Variants in PRKCE observed in about 807,000 individuals in gnomAD.
The protein encoded by PRKCE is protein kinase C epsilon type.
A neutral mutation model predicts 85.4 loss-of-function variants in PRKCE; 16 were observed. That is an observed-to-expected ratio of 0.19 (90% CI 0.13 to 0.28). PRKCE has a LOEUF of 0.28. Among genes scored for constraint, PRKCE ranks in the 10% least tolerant of loss-of-function variants. The pLI is 1.00. For missense variants in PRKCE, 573 were observed against 975.2 expected (o/e 0.59, Z 5.49); for synonymous variants, 388 against 371.5 (o/e 1.04, Z -0.51).
intron 2 of PRKCE, among the ~76,000 whole-genome samples, chr2:45,885,081 A>G (rs1695197409): frequency 6.7e-6 from 1 of 149,868 alleles, no homozygotes; most frequent in African/African-American, 2.5e-5. Context: ...ACTAGAAACA[A>G]TGCCACAGTG....
chr2:45,937,723 A>T (rs1699573496), intron 2 of PRKCE, among the ~76,000 whole-genome samples: 1 of 152,156 alleles, frequency 6.6e-6, no homozygotes, highest in African/African-American at 2.4e-5. Context: ...TCAAAGAAAA[A>T]AAAAAAGAAA....
At chr2:45,758,115 C>G (rs1684161801) in intron 1 of PRKCE, among the ~76,000 whole-genome samples, 1 of 152,212 alleles carries the variant, frequency 6.6e-6, no homozygotes, top group South Asian at 2.1e-4. Context: ...AGAATGAAAG[C>G]TAGATGGGCT....
At chr2:46,044,640 G>GT (rs1284287220) in intron 10 of PRKCE, among the ~76,000 whole-genome samples, 2 of 152,186 alleles carry the variant, frequency 1.3e-5, no homozygotes, top group Non-Finnish European at 2.9e-5. Context: ...GCAAAGTCCT[G>GT]TAGAAACCTG....
At chr2:46,135,345 T>G (rs533544615) in intron 11 of PRKCE, among the ~76,000 whole-genome samples, 1 of 152,150 alleles carries the variant, frequency 6.6e-6, no homozygotes, top group Non-Finnish European at 1.5e-5. Context: ...AACAACACAG[T>G]GAAGTGATTC....
At chr2:45,935,067 T>TCTCACACACACACA (rs34264556) in intron 2 of PRKCE, among the ~76,000 whole-genome samples, 31 of 146,354 alleles carry the variant, frequency 2.1e-4, no homozygotes, top group African/African-American at 7.9e-4. Flanking sequence ...ACTCTCTCTC[T>TCTCACACACACACA]CACACACACA....
At chr2:45,716,423 A>C (rs781168689) in intron 1 of PRKCE, among the ~76,000 whole-genome samples, 21 of 152,246 alleles carry the variant, frequency 1.4e-4, no homozygotes, top group Non-Finnish European at 2.8e-4. Context: ...AGGCTGAGGC[A>C]CGAGAATCAC....
At chr2:46,106,739 C>T (rs56092773) in intron 11 of PRKCE, among the ~76,000 whole-genome samples, 39,192 of 152,154 alleles carry the variant, frequency 0.26, 5,352 homozygotes, top group South Asian at 0.41. Flanking sequence ...GTAGGACCAT[C>T]CTGCTGGCCT....
chr2:45,971,624 T>G (rs551556076), intron 2 of PRKCE, among the ~76,000 whole-genome samples: 1 of 152,360 alleles, frequency 6.6e-6, no homozygotes, highest in South Asian at 2.1e-4. Context: ...CAATCTCTTT[T>G]GAATTATGGT....
chr2:45,848,310 A>ATTTTTTT (rs11378500), intron 2 of PRKCE, among the ~76,000 whole-genome samples: 1 of 150,344 alleles, frequency 6.7e-6, no homozygotes. Context: ...TTAGCAATTC[A>ATTTTTTT]TTTTTTTTTT....
chr2:45,989,036 C>G (rs1161205734), intron 6 of PRKCE, among the ~76,000 whole-genome samples: 1 of 152,208 alleles, frequency 6.6e-6, no homozygotes, highest in Non-Finnish European at 1.5e-5. Flanking sequence ...ACACTCATGT[C>G]TCAGCACAGC....
Position 46,159,691 on chromosome 2 carries a change from A to C in PRKCE, c.2006A>C (p.Lys669Thr). ...EDAIKQHPFF[K>T]EIDWVLLEQK... The stretch of plus-strand genomic sequence containing the variant: ...GCCATCAAGCAGCACCCATTCTTCA[A>C]AGAGATTGACTGGGTGCTCCTGGAG... Residue 669 changes from lysine to threonine, a missense_variant, in exon 14 of 15, where the codon AAA (lysine) becomes ACA (threonine). Physicochemically the swap from Lys to Thr is moderately conservative, Grantham distance 78. Transcript: ENST00000306156. The surrounding 1 kb of genome is among the most constrained non-coding windows in gnomAD (Gnocchi z 4.1). 1 of 1,599,474 alleles carries C rather than the reference A, an allele frequency of 6.3e-7. No homozygotes were observed. Among genetic ancestry groups the C allele is most frequent in the East Asian group, 2.2e-5 (1 of 44,870 alleles).
chr2:46,120,685 GGA>G (rs1673227546), intron 11 of PRKCE, among the ~76,000 whole-genome samples: 1 of 152,088 alleles, frequency 6.6e-6, no homozygotes, highest in South Asian at 2.1e-4. Context: ...AGGCATAAGG[GGA>G]GAGACTTCCA....
intron 10 of PRKCE, among the ~76,000 whole-genome samples, chr2:46,028,156 G>A (rs1450981628): frequency 2.6e-5 from 4 of 152,032 alleles, no homozygotes; most frequent in East Asian, 3.9e-4. Flanking sequence ...TGGCCAGGCC[G>A]GTCTCAAACT....
intron 2 of PRKCE, among the ~76,000 whole-genome samples, chr2:45,925,816 G>C (rs1199113499): frequency 6.6e-6 from 1 of 152,208 alleles, no homozygotes; most frequent in Admixed American, 6.5e-5. Context: ...ATCGTGGGCT[G>C]GGCAAACTCT....
At chr2:45,701,408 C>T (rs908140895) in intron 1 of PRKCE, 6 of 152,106 alleles carry the variant, frequency 3.9e-5, no homozygotes, top group African/African-American at 4.8e-5. Context: ...CTTTACTTAC[C>T]TGTGCTGAAA....
intron 2 of PRKCE, among the ~76,000 whole-genome samples, chr2:45,949,721 C>T (rs1700492902): frequency 6.6e-6 from 1 of 152,052 alleles, no homozygotes; most frequent in Non-Finnish European, 1.5e-5. Context: ...CCCAGTTTGA[C>T]AACCATGGAC....
At chr2:45,667,719 C>T (rs949331813) in intron 1 of PRKCE, among the ~76,000 whole-genome samples, 1 of 151,908 alleles carries the variant, frequency 6.6e-6, no homozygotes, top group African/African-American at 2.4e-5. Context: ...AAAAATAGGG[C>T]AGAAAGTACT....
chr2:45,988,202 C>T (rs1049286941), intron 6 of PRKCE, among the ~76,000 whole-genome samples: 2 of 152,212 alleles, frequency 1.3e-5, no homozygotes, highest in Non-Finnish European at 2.9e-5. Context: ...ATTTGGCCTG[C>T]TGCCCTATGG....
At chr2:45,944,863 C>T (rs1700138766) in intron 2 of PRKCE, among the ~76,000 whole-genome samples, 1 of 152,042 alleles carries the variant, frequency 6.6e-6, no homozygotes, top group Non-Finnish European at 1.5e-5. Flanking sequence ...AATCTTTGGA[C>T]ATTTAGGTTG....
Sources: allele counts gnomAD v4.1 joint callset (sites outside exome capture counted in the v4.1 genomes callset), GRCh38; gene constraint gnomAD v4.1.1; non-coding constraint Gnocchi (gnomAD v3.1); transcripts MANE v1.5; gene names NCBI Gene and HGNC (gene_info 2026-07-23, HGNC 2026-07-21).